VAV2: variants seen among roughly 807,000 people sequenced by gnomAD.
VAV2 encodes the protein guanine nucleotide exchange factor VAV2.
Under a neutral mutation model 132.5 loss-of-function variants are expected in VAV2, and 67 were observed. That is an observed-to-expected ratio of 0.51 (90% CI 0.42 to 0.62). The LOEUF is 0.62. Ranked by LOEUF, VAV2 falls within the 20% of genes least tolerant of loss-of-function variation. The probability of loss-of-function intolerance (pLI) is 0.00; values close to 1 mark genes in which losing one functional copy is unlikely to be tolerated. For missense variants in VAV2, 938 were observed against 1,153.6 expected, an observed-to-expected ratio of 0.81 and a Z score of 2.71; for synonymous variants, 492 against 443.5, an observed-to-expected ratio of 1.11 and a Z score of -1.37.
In VAV2 at chr9:133,871,440, T is replaced by TGATGGATG. The variant is rs1168624120; in HGVS notation, c.322-10016_322-10009dup. Among the ~76,000 whole-genome samples, 5 of 138,386 alleles carry TGATGGATG rather than the reference T, an allele frequency of 3.6e-5. No homozygotes were observed. In the South Asian group the frequency reaches 7.1e-4, roughly 20 times the overall value. 90.8% of individuals were successfully genotyped at this position (138,386 alleles called of 152,430 possible). On this transcript the variant is annotated intron_variant, in intron 2 of 29. Transcript: ENST00000371850. ...TGGATGGACAGATGGATGGATTGAT[T>TGATGGATG]GATGGATGGATGGATGGATGGAGAA...
chr9:133,845,942 C>T, intron 3 of VAV2, among the ~76,000 whole-genome samples: 1 of 152,204 alleles, frequency 6.6e-6, no homozygotes, highest in South Asian at 2.1e-4. Flanking sequence ...GCTCCACAGA[C>T]ACCAGCCTCT....
At position 133,828,968 on chromosome 9, in the gene VAV2, T is replaced by C. The variant is rs145861972; in HGVS notation, c.449+5304A>G. Reference sequence around the variant, plus strand: ...TGTCACCTCTTCTGAGAAGCTTTCCTTGCTTTCTGACCCAGCACTCCGCCA... The same window carrying C: ...TGTCACCTCTTCTGAGAAGCTTTCCCTGCTTTCTGACCCAGCACTCCGCCA... On this transcript the variant is annotated intron_variant, in intron 4 of 29. Transcript: ENST00000371850. 5.3e-4 allele frequency among the ~76,000 whole-genome samples: 80 copies of C among 152,318 alleles called. 1 individual carries two copies. The East Asian group carries it at 0.012, about 22-fold the overall frequency.
intron 1 of VAV2, among the ~76,000 whole-genome samples, chr9:133,985,042 G>A (rs958535410): frequency 1.3e-5 from 2 of 152,048 alleles, no homozygotes; most frequent in African/African-American, 4.8e-5. Flanking sequence ...CTATCTGGCA[G>A]CACTGATATA....
chr9:133,775,927 C>T lies in VAV2; in HGVS notation c.2018+101G>A, dbSNP rs546035693. The T allele has an allele frequency of 2.6e-5, 38 of 1,436,152 alleles. No homozygotes were observed. The East Asian group carries it at 6.7e-4, about 25-fold the overall frequency. The allele number at this position is 1,436,152 out of a possible 1,614,324, so 89.0% of individuals were successfully genotyped here. A position where few individuals can be genotyped will look rare whatever the true frequency, so the allele number is the denominator to read the frequency against. ...GGCAACAGGCAGCCTGGGGCCTCCA[C>T]CCTGCTGGGCCGCTCACAGGCACCA... On this transcript the variant is annotated intron_variant, in intron 24 of 29. Coordinates refer to ENST00000371850, the MANE Select transcript of VAV2 (RefSeq NM_001134398.2).
intron 25 of VAV2, 119 bp downstream of exon 25, chr9:133,774,816 T>G (rs1833756732): frequency 1.1e-6 from 1 of 885,904 alleles, no homozygotes; most frequent in South Asian, 1.6e-5. Context: ...TGTCCTCACT[T>G]GGCAACAGAT....
intron 22 of VAV2, among the ~76,000 whole-genome samples, chr9:133,777,955 A>G (rs1428756960): frequency 1.3e-5 from 2 of 152,168 alleles, no homozygotes; most frequent in African/African-American, 4.8e-5. Flanking sequence ...TTGCTGGGCT[A>G]AGTGCCCTCG....
intron 3 of VAV2, among the ~76,000 whole-genome samples, chr9:133,850,361 C>T (rs1053398633): frequency 1.1e-4 from 16 of 152,182 alleles, no homozygotes; most frequent in Non-Finnish European, 5.9e-5. Flanking sequence ...ACCAGTGGCC[C>T]GGTGTCCACT....
In VAV2 at chr9:133,824,476, T is replaced by C. The variant is rs2488557; in HGVS notation, c.449+9796A>G. ...CTTAAAACCCCAGCCCAAAACAAGG[T>C]AGTGACTGGCCTGGCACAGGGGGTA... On this transcript the variant is annotated intron_variant, in intron 4 of 29. Transcript: ENST00000371850. This position sits in a 1 kb window ranked among gnomAD's most constrained non-coding sequence, Gnocchi z 5.2. 0.17 allele frequency among the ~76,000 whole-genome samples: 26,141 copies of C among 151,830 alleles called. 2,612 individuals are homozygous for C. The highest frequency in any genetic ancestry group is 0.27 in the African/African-American group (11,008 of 41,384).
chr9:133,770,280 T>C lies in VAV2; in HGVS notation c.2347+98A>G, dbSNP rs1833573285. On this transcript the variant is annotated intron_variant, in intron 27 of 29. Transcript: ENST00000371850. ...GCTGTGTTCCCCAGGGTGGGACTCC[T>C]GGTCTGGGTCTGTGAGGGCAGGATC... The C allele has an allele frequency of 1.1e-5, 17 of 1,561,986 alleles. 1 individual carries two copies. The South Asian group carries it at 1.5e-4, about 14-fold the overall frequency.
chr9:133,813,841 CCCTCTGTGTGCCAGCG>C (rs1209648611), intron 4 of VAV2, among the ~76,000 whole-genome samples: 1 of 152,206 alleles, frequency 6.6e-6, no homozygotes, highest in Non-Finnish European at 1.5e-5. Flanking sequence ...ATGGGCAAGC[CCCTCTGTGTGCCAGCG>C]CCTGTAGAAA....
intron 2 of VAV2, among the ~76,000 whole-genome samples, chr9:133,922,280 G>T (rs1840324972): frequency 6.6e-6 from 1 of 152,228 alleles, no homozygotes; most frequent in Non-Finnish European, 1.5e-5. Context: ...CTACCTGCCT[G>T]GGCTTCACAT....
intron 18 of VAV2, 69 bp downstream of exon 18, chr9:133,784,248 C>G: frequency 6.6e-7 from 1 of 1,520,098 alleles, no homozygotes; most frequent in South Asian, 1.1e-5. Flanking sequence ...AGATAGAACA[C>G]TAAGCTCTCT....
Position 133,774,316 on chromosome 9 carries a change from C to T in VAV2, c.2135+619G>A, listed in dbSNP as rs148316520. On this transcript the variant is annotated intron_variant, in intron 25 of 29. Coordinates refer to ENST00000371850, the MANE Select transcript of VAV2 (RefSeq NM_001134398.2). ...GGTCGGCAAGGCCCATCTTAGCCTC[C>T]TGCAGGCCAGGCACACAGAAGGCTT... is the stretch of plus-strand genomic sequence containing the variant. 2.9e-3 allele frequency among the ~76,000 whole-genome samples: 443 copies of T among 152,316 alleles called. 1 individual carries two copies. The highest frequency in any genetic ancestry group is 8.5e-3 in the African/African-American group (354 of 41,572).
At chr9:133,809,943 C>T (rs1176372965) in intron 6 of VAV2, among the ~76,000 whole-genome samples, 1 of 152,202 alleles carries the variant, frequency 6.6e-6, no homozygotes, top group African/African-American at 2.4e-5. Context: ...CATCATCCTC[C>T]AAGAAATCCC....
At chr9:133,963,474 C>T (rs561225887) in intron 1 of VAV2, among the ~76,000 whole-genome samples, 7 of 152,328 alleles carry the variant, frequency 4.6e-5, no homozygotes, top group African/African-American at 1.7e-4. Flanking sequence ...GAGCTCCACA[C>T]TCCAAGTCGG....
rs138806190 is a variant in VAV2, at chr9:133,951,910, T to C, written c.205-12691A>G. On this transcript the variant is annotated intron_variant, in intron 1 of 29. Transcript: ENST00000371850. Reference sequence around the variant, plus strand: ...GCTTGTAAACCCAGGGGCTTCTTTCTTGTAGCTCCAGAGCCTGGAAGCCCA... The same window carrying C: ...GCTTGTAAACCCAGGGGCTTCTTTCCTGTAGCTCCAGAGCCTGGAAGCCCA... Among the ~76,000 whole-genome samples, 196 of 152,242 alleles carry C rather than the reference T, an allele frequency of 1.3e-3. 1 individual carries two copies. Among genetic ancestry groups the C allele is most frequent in the African/African-American group, 4.6e-3 (192 of 41,536 alleles).
intron 1 of VAV2, among the ~76,000 whole-genome samples, chr9:133,968,124 T>C (rs181734042): frequency 1.3e-4 from 20 of 152,206 alleles, no homozygotes; most frequent in Non-Finnish European, 5.9e-5. Context: ...CGAGTCCTAG[T>C]GCTCAGAAGC....
chr9:133,848,263 G>A (rs1314406864), intron 3 of VAV2, among the ~76,000 whole-genome samples: 2 of 122,098 alleles, frequency 1.6e-5, no homozygotes, highest in East Asian at 5.4e-4. Flanking sequence ...CTGGGCGACT[G>A]AGTGAGACTC....
At chr9:133,975,483 C>A (rs1346144682) in intron 1 of VAV2, among the ~76,000 whole-genome samples, 1 of 152,170 alleles carries the variant, frequency 6.6e-6, no homozygotes, top group Non-Finnish European at 1.5e-5. Context: ...TCACACAAAC[C>A]CCTCAATTTT....
Sources: allele counts gnomAD v4.1 joint callset (sites outside exome capture counted in the v4.1 genomes callset), GRCh38; gene constraint gnomAD v4.1.1; non-coding constraint Gnocchi (gnomAD v3.1); transcripts MANE v1.5; gene names NCBI Gene and HGNC (gene_info 2026-07-23, HGNC 2026-07-21).